NUP98: variants seen among roughly 807,000 people sequenced by gnomAD.
The protein encoded by NUP98 is nuclear pore complex protein Nup98-Nup96.
Under a neutral mutation model 191.9 loss-of-function variants are expected in NUP98, and 26 were observed. The observed-to-expected ratio is 0.14, with a 90% CI of 0.10 to 0.19. The LOEUF (loss-of-function observed/expected upper bound fraction) is 0.19, where lower values mean the gene tolerates loss of function less well. Among genes scored for constraint, NUP98 ranks in the 10% least tolerant of loss-of-function variants. NUP98 has a pLI of 1.00. For synonymous variants in NUP98, 808 were observed against 778.4 expected (o/e 1.04, Z -0.63); for missense variants, 1,941 against 2,178.8 (o/e 0.89, Z 2.17).
chr11:3,676,726 G>C, intron 31 of NUP98, 106 bp from the exon 32 acceptor site: 1 of 924,574 alleles, frequency 1.1e-6, no homozygotes. Flanking sequence ...GGTGAGGGAG[G>C]GGAAAATCCA....
rs546050140 is a variant in NUP98, at chr11:3,686,884, G to A, written c.4455-690C>T. Among the ~76,000 whole-genome samples, 17 of 152,260 alleles carry A rather than the reference G, an allele frequency of 1.1e-4. 1 individual carries two copies. In the East Asian group the frequency reaches 3.3e-3, roughly 29 times the overall value. On this transcript the variant is annotated intron_variant, in intron 28 of 32. Transcript: ENST00000324932. ...TGCCTGTATTCCCGGCTACTCAGGA[G>A]GCTGTGGCACAAGAACTGCTGGAAC...
chr11:3,746,511 T>C (rs2080506604), intron 11 of NUP98, among the ~76,000 whole-genome samples: 1 of 151,836 alleles, frequency 6.6e-6, no homozygotes, highest in Admixed American at 6.6e-5. Flanking sequence ...TGAAAAATTC[T>C]ACTCTAAATG....
chr11:3,758,069 G>A (rs1165914328), intron 10 of NUP98, among the ~76,000 whole-genome samples: 1 of 152,096 alleles, frequency 6.6e-6, no homozygotes, highest in Non-Finnish European at 1.5e-5. Flanking sequence ...TGTAATCCCA[G>A]CACTTTGGGA....
chr11:3,785,108 A>G (rs1211790505), intron 1 of NUP98, among the ~76,000 whole-genome samples: 1 of 152,100 alleles, frequency 6.6e-6, no homozygotes, highest in African/African-American at 2.4e-5. Flanking sequence ...ACTGCACTCC[A>G]GCCTGGGCAA....
At chr11:3,741,241 G>C (rs1183298408) in intron 12 of NUP98, among the ~76,000 whole-genome samples, 1 of 152,004 alleles carries the variant, frequency 6.6e-6, no homozygotes, top group Non-Finnish European at 1.5e-5. Flanking sequence ...TCCCAACTGA[G>C]TTTTAAGCAA....
chr11:3,738,102 A>AC (rs2080141712), intron 12 of NUP98, among the ~76,000 whole-genome samples: 2 of 150,718 alleles, frequency 1.3e-5, no homozygotes, highest in Non-Finnish European at 3.0e-5. Context: ...AAAAAAAAAA[A>AC]AAAAACCAAA....
At chr11:3,765,358 G>C (rs1409239262) in intron 8 of NUP98, among the ~76,000 whole-genome samples, 2 of 152,152 alleles carry the variant, frequency 1.3e-5, no homozygotes, top group African/African-American at 4.8e-5. Flanking sequence ...GTACTAAAAG[G>C]CCTGGCTAAA....
chr11:3,701,022 A>T (rs566408234), intron 23 of NUP98, among the ~76,000 whole-genome samples, 183 bp from the exon 24 acceptor site: 1 of 152,294 alleles, frequency 6.6e-6, no homozygotes, highest in African/African-American at 2.4e-5. Context: ...CTGGGGAAAA[A>T]AAATCATCTG....
intron 14 of NUP98, among the ~76,000 whole-genome samples, chr11:3,728,682 T>C (rs2079715645): frequency 1.3e-5 from 2 of 151,992 alleles, no homozygotes; most frequent in Admixed American, 1.3e-4. Flanking sequence ...GAGCTTGCAG[T>C]GAGCCGAGAT....
intron 2 of NUP98, 89 bp from the exon 3 acceptor site, chr11:3,779,346 A>G (rs1285481652): frequency 8.7e-7 from 1 of 1,145,958 alleles, no homozygotes; most frequent in Non-Finnish European, 1.3e-6. Context: ...TATTTCTTAA[A>G]ATTCTGCATT....
intron 9 of NUP98, 53 bp downstream of exon 9, chr11:3,762,849 C>T: frequency 6.3e-7 from 1 of 1,587,822 alleles, no homozygotes; most frequent in South Asian, 1.1e-5. Context: ...AAGAAAATTC[C>T]TTTTAACAAA....
At chr11:3,725,010 A>G in intron 15 of NUP98, 93 bp downstream of exon 15, 3 of 627,554 alleles carry the variant, frequency 4.8e-6, no homozygotes, top group Non-Finnish European at 2.8e-6. Flanking sequence ...AATATTCATC[A>G]AACTTCATAA....
chr11:3,772,770 C>T (rs757692762), intron 6 of NUP98, among the ~76,000 whole-genome samples: 8 of 150,850 alleles, frequency 5.3e-5, no homozygotes, highest in East Asian at 2.0e-4. Flanking sequence ...GCTGAGATCA[C>T]GCCACTGCAC....
In NUP98 at chr11:3,776,014, T is replaced by A; in HGVS notation, c.363A>T (p.Gly121=). 6.2e-7 allele frequency: 1 copy of A among 1,600,392 alleles called. No homozygotes were observed. The highest frequency in any genetic ancestry group is 1.1e-5 in the South Asian group (1 of 87,898). The change falls in exon 5 of 33, where the codon GGA becomes GGT. Residue 121 remains glycine, a synonymous_variant. Coordinates refer to ENST00000324932, the MANE Select transcript of NUP98 (RefSeq NM_016320.5). ...QNKPTGFGNF[G]TSTSSGGLFG... is the part of the protein sequence containing the mutation. ...AGAGTCCTCCACTGCTAGTACTGGT[T>A]CCAAAATCTAAAAATAAGAAAGAAA...
Position 3,773,644 on chromosome 11 carries a change from G to C in NUP98, c.591C>G (p.Ser197Arg). 6.3e-7 allele frequency: 1 copy of C among 1,599,452 alleles called. No homozygotes were observed. The highest frequency in any genetic ancestry group is 8.6e-7 in the Non-Finnish European group (1 of 1,168,018). Residue 197 changes from serine to arginine, a missense_variant, in exon 6 of 33, where the codon AGC becomes AGG. This residue lies in a region of NUP98 where 28 missense variants were observed against 74.0 expected (regional missense o/e 0.38). Coordinates refer to ENST00000324932, the MANE Select transcript of NUP98 (RefSeq NM_016320.5). ...GTATTTTACTGACCTCTAGTGACTTGCTTTCATATTCTTTCATAGCAGTAA... is the reference window on the plus strand; with the variant it reads ...GTATTTTACTGACCTCTAGTGACTTCCTTTCATATTCTTTCATAGCAGTAA... ...QCITAMKEYE[S>R]KSLEELRLED... is the part of the protein sequence containing the mutation.
At chr11:3,716,645 T>C (rs1053092093) in intron 18 of NUP98, among the ~76,000 whole-genome samples, 2 of 151,890 alleles carry the variant, frequency 1.3e-5, no homozygotes, top group African/African-American at 4.8e-5. Context: ...GGGGCAGAGG[T>C]TGCAGAGAGT....
chr11:3,697,851 A>C (rs1176614794), intron 25 of NUP98, among the ~76,000 whole-genome samples: 1 of 143,714 alleles, frequency 7.0e-6, no homozygotes, highest in Non-Finnish European at 1.5e-5. Flanking sequence ...AAAAAGATTT[A>C]TATCTAGGCA....
At chr11:3,745,726 T>C (rs992092818) in intron 11 of NUP98, among the ~76,000 whole-genome samples, 1 of 152,150 alleles carries the variant, frequency 6.6e-6, no homozygotes, top group Admixed American at 6.6e-5. Context: ...TAGCTGGAAC[T>C]ACAGGCATGC....
intron 9 of NUP98, among the ~76,000 whole-genome samples, chr11:3,761,326 G>C (rs2081159547): frequency 6.6e-6 from 1 of 152,134 alleles, no homozygotes; most frequent in East Asian, 1.9e-4. Flanking sequence ...CAATAAATCT[G>C]TCACTAGAAA....
Sources: allele counts gnomAD v4.1 joint callset (sites outside exome capture counted in the v4.1 genomes callset), GRCh38; gene constraint gnomAD v4.1.1; regional missense constraint gnomAD v4.1.1; transcripts MANE v1.5; gene names NCBI Gene and HGNC (gene_info 2026-07-23, HGNC 2026-07-21).